Variants in FAM234A observed in about 807,000 individuals in gnomAD.
FAM234A encodes family with sequence similarity 234 member A.
In FAM234A, 42 loss-of-function variants were observed where a neutral mutation model predicts 49.1. The observed-to-expected ratio is 0.86, with a 90% CI of 0.67 to 1.11. The LOEUF is 1.11. Ranked by LOEUF, FAM234A falls within the 50% of genes least tolerant of loss-of-function variation. The probability of loss-of-function intolerance (pLI) is 0.00; values close to 1 mark genes in which losing one functional copy is unlikely to be tolerated. For synonymous variants in FAM234A, 369 were observed against 316.2 expected (o/e 1.17, Z -1.77); for missense variants, 815 against 745.2 (o/e 1.09, Z -1.09).
chr16:268,823 G>T (rs114887633), downstream of FAM234A: 26,090 of 1,550,374 alleles, frequency 0.017, 301 homozygotes, highest in African/African-American at 0.048. Flanking sequence ...GGCAGAGCTC[G>T]CGCCGAGACC....
In FAM234A at chr16:263,795, G is replaced by C. The variant is rs2051581983; in HGVS notation, c.1188+20G>C. 1.3e-6 allele frequency: 2 copies of C among 1,595,488 alleles called. No homozygotes were observed. The highest frequency in any genetic ancestry group is 1.7e-5 in the Admixed American group (1 of 59,994). ...AGACAGGTTCGTTGTTCTTCCTTCG[G>C]AGGTGGCACCTTTGTTCTTAGCTGA... On this transcript the variant is annotated intron_variant, in intron 10 of 12. Transcript: ENST00000399932.
rs1596846250 is a variant in FAM234A, at chr16:262,455, T to C, written c.873T>C (p.Gly291=). 6.2e-7 allele frequency: 1 copy of C among 1,610,828 alleles called. No homozygotes were observed. Among genetic ancestry groups the C allele is most frequent in the Non-Finnish European group, 8.5e-7 (1 of 1,178,454 alleles). The part of the protein sequence containing the change: ...ASSLCGCSVK[G]LYEKVTGSGG... ...CCCTCTGCGGCTGCTCTGTGAAGGG[T>C]CTCTACGAGAAGGTGACCGGGAGCG... Residue 291 remains glycine, a synonymous_variant, in exon 8 of 13, where the codon GGT becomes GGC. Transcript: ENST00000399932.
chr16:244,178 T>C (rs9931912), intron 1 of FAM234A, among the ~76,000 whole-genome samples: 87,111 of 151,816 alleles, frequency 0.57, 25,589 homozygotes, highest in African/African-American at 0.69. Context: ...CCGTGTTAGC[T>C]AGGATGGTCT....
At chr16:262,824 TG>T (rs1456232676) in intron 8 of FAM234A, among the ~76,000 whole-genome samples, 6 of 149,626 alleles carry the variant, frequency 4.0e-5, no homozygotes, top group East Asian at 2.0e-4. Flanking sequence ...TTTTTTTGGT[TG>T]TTTTTTTTTT....
chr16:266,768 A>G (rs1198201805), downstream of FAM234A, among the ~76,000 whole-genome samples: 1 of 138,220 alleles, frequency 7.2e-6, no homozygotes. Context: ...GGCCTTGGGT[A>G]TGAAAGGGCC....
chr16:240,444 A>G (rs1275498510), intron 1 of FAM234A, among the ~76,000 whole-genome samples: 2 of 151,848 alleles, frequency 1.3e-5, no homozygotes, highest in South Asian at 2.1e-4. Context: ...GTGGTTAACC[A>G]GGGTCAGTGG....
rs906926833 is a variant in FAM234A at position 262,610 on chromosome 16, G to A, written c.971+57G>A. 71 of 1,484,850 alleles carry A rather than the reference G, an allele frequency of 4.8e-5. No homozygotes were observed. The South Asian group carries it at 5.2e-4, about 11-fold the overall frequency. 92.0% of individuals were successfully genotyped at this position (1,484,850 alleles called of 1,614,324 possible). ...GAGCGCCCACCCCATGGCTCTGCTC[G>A]CCTGCCTCAGCGTTCGGACAATCTG... On this transcript the variant is annotated intron_variant, in intron 8 of 12. Transcript: ENST00000399932.
intron 3 of FAM234A, among the ~76,000 whole-genome samples, chr16:257,303 T>C (rs929609044): frequency 1.1e-4 from 15 of 140,582 alleles, no homozygotes; most frequent in South Asian, 2.3e-4. Context: ...GAGAGTGCAG[T>C]GGCGCGATCT....
chr16:261,384 G>A lies in FAM234A; in HGVS notation c.578G>A (p.Gly193Glu). The change falls in exon 6 of 13, where the codon GGG becomes GAG. Residue 193 changes from glycine to glutamate, a missense_variant and splice_region_variant. Transcript: ENST00000399932. ...SSFIAVNLFTGETLWNHSSSF... is the reference protein window; with the variant it reads ...SSFIAVNLFTEETLWNHSSSF... ...TCCGTGACCGTGTGCTTGATTCTAG[G>A]GGAAACCCTGTGGAACCACAGCAGC... The A allele has an allele frequency of 6.2e-7, 1 of 1,610,702 alleles. No individual in the cohort carries two copies. The highest frequency in any genetic ancestry group is 2.2e-5 in the East Asian group (1 of 44,770).
Position 264,109 on chromosome 16 carries a change from G to A in FAM234A, c.1282G>A (p.Ala428Thr), listed in dbSNP as rs758150908. 1.1e-5 allele frequency: 18 copies of A among 1,611,258 alleles called. No homozygotes were observed. Among genetic ancestry groups the A allele is most frequent in the Admixed American group, 8.3e-5 (5 of 59,930 alleles). Residue 428 changes from alanine (A) to threonine (T), a missense_variant, in exon 11 of 13, where the codon GCA (alanine) becomes ACA (threonine). Ala to Thr is a moderately conservative substitution (Grantham distance 58). Transcript: ENST00000399932. ...GGPLSASLPT[A>T]DHRSAFFFWG... ...TCCACTGTCCGCCAGCCTGCCGACC[G>A]CAGACCACCGCTCAGCCTTCTTCTT...
Position 251,692 on chromosome 16 carries a change from T to G in FAM234A, c.-34+2038T>G, listed in dbSNP as rs1028473644. Among the ~76,000 whole-genome samples the G allele has an allele frequency of 2.8e-5, 4 of 143,516 alleles. No individual in the cohort carries two copies. The East Asian group carries it at 6.1e-4, about 22-fold the overall frequency. The allele number at this position is 143,516 out of a possible 152,430, so 94.2% of individuals were successfully genotyped here. ...ATGCCTAGCCAGGTTTTTTTTTTTT[T>G]TTTTTTTTTTTTTTAAGAGATGGGG... On this transcript the variant is annotated intron_variant, in intron 2 of 12. Transcript: ENST00000399932.
intron 2 of FAM234A, 81 bp from the exon 3 acceptor site, chr16:254,300 C>G (rs2051139009): frequency 8.3e-7 from 1 of 1,201,170 alleles, no homozygotes; most frequent in East Asian, 2.3e-5. Flanking sequence ...CCCAAGAAGC[C>G]GACGCCAGCA....
chr16:264,845 C>T lies in FAM234A; in HGVS notation c.1482C>T (p.Tyr494=), dbSNP rs775095507. ...TTGAGCCAAGCCGCCACGCCGCCTA[C>T]ATCCTTCTGACAGGCCCGGCAGACT... is the stretch of plus-strand genomic sequence containing the variant. ...VLFEPSRHAA[Y]ILLTGPADSE... is the part of the protein sequence containing the mutation. The change falls in exon 13 of 13, where the codon TAC becomes TAT. Residue 494 remains tyrosine (Y), a synonymous_variant. Transcript: ENST00000399932. 2.5e-6 allele frequency: 4 copies of T among 1,611,872 alleles called. No individual in the cohort carries two copies. The Admixed American group carries it at 6.7e-5, about 27-fold the overall frequency.
Position 264,736 on chromosome 16 carries a change from G to T in FAM234A, c.1447+20G>T. ...TTGACGGTGAGTGTGGCCTCGGCCA[G>T]GGACCCGGGTGTTCCGCGGGGTCTG... is the stretch of plus-strand genomic sequence containing the variant. On this transcript the variant is annotated intron_variant, in intron 12 of 12. Coordinates refer to ENST00000399932, the MANE Select transcript of FAM234A (RefSeq NM_032039.4). 6.2e-7 allele frequency: 1 copy of T among 1,609,208 alleles called. No individual in the cohort carries two copies.
intron 2 of FAM234A, among the ~76,000 whole-genome samples, chr16:252,663 G>A (rs1363018902): frequency 3.3e-5 from 5 of 152,160 alleles, no homozygotes; most frequent in South Asian, 4.1e-4. Context: ...ACCCAGACTC[G>A]TCGTTTTTCC....
At chr16:263,176 CT>C in intron 8 of FAM234A, 85 bp from the exon 9 acceptor site, 1 of 1,521,132 alleles carries the variant, frequency 6.6e-7, no homozygotes, top group East Asian at 2.3e-5. Flanking sequence ...GAGGAGCACC[CT>C]GAGACGGGCG....
rs1459453234 is a variant in FAM234A at position 265,075 on chromosome 16, C to T, written c.*53C>T. On this transcript the variant is annotated 3_prime_UTR_variant, in exon 13 of 13. Coordinates refer to ENST00000399932, the MANE Select transcript of FAM234A (RefSeq NM_032039.4). ...GACTCCGCCTGCTGACACTAAACGT[C>T]CTGGGAAGTGGGCCCTTCCCTGGGT... 6.1e-5 allele frequency: 94 copies of T among 1,539,970 alleles called. No individual in the cohort carries two copies. The highest frequency in any genetic ancestry group is 8.1e-5 in the Non-Finnish European group (92 of 1,142,742).
intron 2 of FAM234A, 125 bp from the exon 3 acceptor site, chr16:254,256 G>T: frequency 4.2e-6 from 3 of 720,794 alleles, no homozygotes; most frequent in Non-Finnish European, 4.8e-6. Flanking sequence ...TTATTTCCTG[G>T]GCTGGTGGCC....
intron 1 of FAM234A, among the ~76,000 whole-genome samples, chr16:240,554 GT>G (rs1475182152): frequency 6.6e-6 from 1 of 150,896 alleles, no homozygotes; most frequent in Non-Finnish European, 1.5e-5. Flanking sequence ...CAAGGCTGGA[GT>G]ACAATGGTGC....
Sources: gnomAD v4.1 joint callset for allele counts (sites outside exome capture counted in the v4.1 genomes callset) on GRCh38, gnomAD v4.1.1 for gene constraint, MANE v1.5 for transcripts, NCBI Gene and HGNC (gene_info 2026-07-23, HGNC 2026-07-21) for gene names.